The following TDRD7 variants were observed in gnomAD, a reference collection of about 807,000 sequenced individuals.
TDRD7 encodes tudor domain-containing protein 7.
In TDRD7, 47 loss-of-function variants were observed where a neutral mutation model predicts 109.8. That is an observed-to-expected ratio of 0.43 (90% CI 0.34 to 0.55). The LOEUF is 0.55. TDRD7 is among the 20% of genes least tolerant of loss of function. The probability of loss-of-function intolerance (pLI) is 0.03; values close to 1 mark genes in which losing one functional copy is unlikely to be tolerated. For missense variants in TDRD7, 1,164 were observed against 1,319.2 expected, an observed-to-expected ratio of 0.88 and a Z score of 1.82; for synonymous variants, 424 against 457.3, an observed-to-expected ratio of 0.93 and a Z score of 0.93.
chr9:97,477,783 T>G (rs970154383), intron 12 of TDRD7, among the ~76,000 whole-genome samples: 1 of 152,160 alleles, frequency 6.6e-6, no homozygotes, highest in Non-Finnish European at 1.5e-5. Context: ...TATTTTAATA[T>G]TTTGGAGAAC....
chr9:97,458,945 C>T (rs1828664484), intron 6 of TDRD7, among the ~76,000 whole-genome samples: 1 of 152,156 alleles, frequency 6.6e-6, no homozygotes, highest in South Asian at 2.1e-4. Flanking sequence ...AATAAGCTAC[C>T]TAACCAGCAT....
At chr9:97,476,443 A>T (rs1411441955) in intron 12 of TDRD7, among the ~76,000 whole-genome samples, 1 of 151,644 alleles carries the variant, frequency 6.6e-6, no homozygotes, top group African/African-American at 2.4e-5. Flanking sequence ...ATCTAGTTTG[A>T]GGTGGCACAC....
intron 12 of TDRD7, among the ~76,000 whole-genome samples, chr9:97,476,564 G>GA (rs11370965): frequency 0.57 from 70,594 of 123,208 alleles, 18,146 homozygotes; most frequent in African/African-American, 0.63. Context: ...AAACCAAAAA[G>GA]AAAAAAAAAA....
chr9:97,425,847 T>C (rs7853581), intron 1 of TDRD7, among the ~76,000 whole-genome samples: 80,405 of 151,956 alleles, frequency 0.53, 21,515 homozygotes, highest in African/African-American at 0.6. Context: ...GCAAACATTA[T>C]AGAGTGGACT....
At chr9:97,415,498 T>A (rs1827797196) in intron 1 of TDRD7, among the ~76,000 whole-genome samples, 2 of 152,238 alleles carry the variant, frequency 1.3e-5, no homozygotes, top group South Asian at 4.1e-4. Flanking sequence ...AGTTTTGAAG[T>A]AGAGTGAGAA....
chr9:97,471,715 T>C (rs551737099), intron 9 of TDRD7, among the ~76,000 whole-genome samples: 1 of 152,360 alleles, frequency 6.6e-6, no homozygotes, highest in East Asian at 1.9e-4. Context: ...TGTGGAACTA[T>C]AATTTTCTAA....
Position 97,439,328 on chromosome 9 carries a change from C to T in TDRD7, c.637+10C>T. On this transcript the variant is annotated intron_variant, in intron 5 of 16. Coordinates refer to ENST00000355295, the MANE Select transcript of TDRD7 (RefSeq NM_014290.3). ...ACTAAGGAAATGAGTGGTATGTTTT[C>T]CAAACATTTTTGAGATACATATTGG... 2 of 1,601,076 alleles carry T rather than the reference C, an allele frequency of 1.2e-6. No individual in the cohort carries two copies. The highest frequency in any genetic ancestry group is 1.7e-6 in the Non-Finnish European group (2 of 1,177,636).
At chr9:97,477,822 A>G (rs1829047953) in intron 12 of TDRD7, among the ~76,000 whole-genome samples, 1 of 152,190 alleles carries the variant, frequency 6.6e-6, no homozygotes, top group South Asian at 2.1e-4. Context: ...AGCAATATAT[A>G]ATAATGTATC....
At position 97,483,086 on chromosome 9, in the gene TDRD7, G is replaced by A. The variant is rs1564214904; in HGVS notation, c.2650G>A (p.Val884Ile). ...GENFRKNLTD[V>I]IKKSMVDHTS... Reference sequence around the variant, plus strand: ...GAATTTCAGAAAGAACCTCACAGATGTCATCAAAAAGTCCATGGTGGACCA... The same window carrying A: ...GAATTTCAGAAAGAACCTCACAGATATCATCAAAAAGTCCATGGTGGACCA... The change falls in exon 15 of 17, where the codon GTC becomes ATC. Residue 884 changes from valine (V) to isoleucine (I), a missense_variant. Val to Ile is a conservative substitution (Grantham distance 29). Around this residue, in one of 5 missense-constraint regions of TDRD7, gnomAD observed 233 missense variants for 218.0 expected, o/e 1.07. Transcript: ENST00000355295. 3.7e-6 allele frequency: 6 copies of A among 1,614,132 alleles called. No individual in the cohort carries two copies. Among genetic ancestry groups the A allele is most frequent in the Non-Finnish European group, 4.2e-6 (5 of 1,180,016 alleles).
intron 13 of TDRD7, 148 bp downstream of exon 13, chr9:97,478,721 G>A: frequency 1.8e-6 from 2 of 1,082,664 alleles, no homozygotes; most frequent in South Asian, 2.6e-5. Context: ...GTTTTCAGAA[G>A]TAAAACATTG....
intron 6 of TDRD7, among the ~76,000 whole-genome samples, chr9:97,449,756 T>C (rs889854391): frequency 8.5e-5 from 13 of 152,150 alleles, no homozygotes; most frequent in African/African-American, 3.1e-4. Flanking sequence ...GTTTCAACCC[T>C]CTAATCCTGC....
intron 5 of TDRD7, among the ~76,000 whole-genome samples, chr9:97,440,269 C>T (rs1828279336): frequency 6.6e-6 from 1 of 152,178 alleles, no homozygotes; most frequent in African/African-American, 2.4e-5. Context: ...AGCTGATAGG[C>T]ACACATGTGT....
intron 16 of TDRD7, among the ~76,000 whole-genome samples, chr9:97,488,205 C>T (rs1314356581): frequency 6.6e-6 from 1 of 152,176 alleles, no homozygotes. Context: ...GGCCTTGTAG[C>T]GTTAGCAGAG....
Position 97,483,174 on chromosome 9 carries a change from A to G in TDRD7, c.2738A>G (p.His913Arg). The change falls in exon 15 of 17, where the codon CAC becomes CGC. Residue 913 changes from histidine to arginine, a missense_variant. Physicochemically the swap from His to Arg is conservative, Grantham distance 29 (BLOSUM62 0). Around this residue, in one of 5 missense-constraint regions of TDRD7, gnomAD observed 233 missense variants for 218.0 expected, o/e 1.07. Transcript: ENST00000355295. The part of the protein sequence containing the change: ...PPVHLSKPGE[H>R]MDVYVPVACH... ...GTCCACTTATCAAAGCCAGGGGAAC[A>G]CATGGATGTGTATGTGCCTGTGGCC... is the stretch of plus-strand genomic sequence containing the variant. 1.2e-6 allele frequency: 2 copies of G among 1,614,184 alleles called. No homozygotes were observed. The highest frequency in any genetic ancestry group is 1.7e-6 in the Non-Finnish European group (2 of 1,180,012).
At chr9:97,486,785 T>C (rs980956257) in intron 15 of TDRD7, among the ~76,000 whole-genome samples, 4 of 152,190 alleles carry the variant, frequency 2.6e-5, no homozygotes, top group Non-Finnish European at 5.9e-5. Flanking sequence ...GCATGTACCA[T>C]ATCCAAACAT....
chr9:97,428,924 A>G (rs1828053600), intron 2 of TDRD7, among the ~76,000 whole-genome samples: 1 of 152,232 alleles, frequency 6.6e-6, no homozygotes, highest in Non-Finnish European at 1.5e-5. Context: ...ACCCAATGTC[A>G]ACATCTAAAC....
chr9:97,470,322 A>G (rs929497653), intron 8 of TDRD7, among the ~76,000 whole-genome samples: 3 of 152,156 alleles, frequency 2.0e-5, no homozygotes, highest in Non-Finnish European at 4.4e-5. Context: ...CTTCCCATTG[A>G]AGGGGTAGGG....
chr9:97,473,525 A>G lies in TDRD7; in HGVS notation c.1978A>G (p.Asn660Asp). 6.2e-7 allele frequency: 1 copy of G among 1,613,750 alleles called. No individual in the cohort carries two copies. Among genetic ancestry groups the G allele is most frequent in the Non-Finnish European group, 8.5e-7 (1 of 1,179,736 alleles). Residue 660 changes from asparagine (N) to aspartate (D), a missense_variant, in exon 11 of 17, where the codon AAT (asparagine) becomes GAT (aspartate). By Grantham distance (23) the Asn-to-Asp change is conservative. Transcript: ENST00000355295. The stretch of plus-strand genomic sequence containing the variant: ...CATGTACACAAATGTCAAAGTAACT[A>G]ATATTTGCTCTGATGGGACACTCTA... ...DAMYTNVKVTNICSDGTLYCQ... is the reference protein window; with the variant it reads ...DAMYTNVKVTDICSDGTLYCQ...
In TDRD7 at chr9:97,482,933, A is replaced by G. The variant is rs751750332; in HGVS notation, c.2497A>G (p.Asn833Asp). 2.2e-5 allele frequency: 35 copies of G among 1,614,100 alleles called. No individual in the cohort carries two copies. The highest frequency in any genetic ancestry group is 2.7e-5 in the Non-Finnish European group (32 of 1,180,052). The change falls in exon 15 of 17, where the codon AAT (asparagine) becomes GAT (aspartate). Residue 833 changes from asparagine (N) to aspartate (D), a missense_variant. Coordinates refer to ENST00000355295, the MANE Select transcript of TDRD7 (RefSeq NM_014290.3). ...KNFPDPHRSI[N>D]RQITNADLWK... Reference sequence around the variant, plus strand: ...CTTCCCTGACCCTCATCGCAGTATTAATCGCCAGATTACAAATGCAGACTT... The same window carrying G: ...CTTCCCTGACCCTCATCGCAGTATTGATCGCCAGATTACAAATGCAGACTT...
Sources: allele counts gnomAD v4.1 joint callset (sites outside exome capture counted in the v4.1 genomes callset), GRCh38; gene constraint gnomAD v4.1.1; regional missense constraint gnomAD v4.1.1; transcripts MANE v1.5; gene names NCBI Gene and HGNC (gene_info 2026-07-23, HGNC 2026-07-21).